The following GRIN3A variants were observed in gnomAD, a reference collection of about 807,000 sequenced individuals.
The protein encoded by GRIN3A is glutamate receptor ionotropic, NMDA 3A.
In GRIN3A, 47 loss-of-function variants were observed where a neutral mutation model predicts 92.4. The observed-to-expected ratio is 0.51, with a 90% CI of 0.40 to 0.65. The LOEUF is 0.65. GRIN3A is among the 30% of genes least tolerant of loss of function. The pLI is 0.00. For missense variants in GRIN3A, 1,324 were observed against 1,393.1 expected, an observed-to-expected ratio of 0.95 and a Z score of 0.79; for synonymous variants, 527 against 540.6, an observed-to-expected ratio of 0.97 and a Z score of 0.35.
intron 1 of GRIN3A, among the ~76,000 whole-genome samples, chr9:101,730,145 T>C (rs1416686195): frequency 6.6e-6 from 1 of 152,144 alleles, no homozygotes; most frequent in Non-Finnish European, 1.5e-5. Flanking sequence ...AAAACTGGAC[T>C]TCAAAGTTCA....
At chr9:101,652,093 A>C (rs1829022339) in intron 3 of GRIN3A, among the ~76,000 whole-genome samples, 1 of 152,070 alleles carries the variant, frequency 6.6e-6, no homozygotes, top group East Asian at 1.9e-4. Flanking sequence ...AAGGTTTTAC[A>C]TACATTATTT....
intron 6 of GRIN3A, among the ~76,000 whole-genome samples, chr9:101,595,549 T>A (rs1564121989): frequency 6.6e-6 from 1 of 152,150 alleles, no homozygotes; most frequent in Non-Finnish European, 1.5e-5. Context: ...TTTCCACGAT[T>A]CCCTGGGAGG....
chr9:101,681,073 T>C (rs1829460092), intron 2 of GRIN3A, among the ~76,000 whole-genome samples: 2 of 152,196 alleles, frequency 1.3e-5, no homozygotes, highest in Admixed American at 1.3e-4. Context: ...TGGAGCTTTC[T>C]CTGCAGGAAC....
At chr9:101,576,357 C>T (rs1170411970) in intron 8 of GRIN3A, among the ~76,000 whole-genome samples, 1 of 152,112 alleles carries the variant, frequency 6.6e-6, no homozygotes, top group Non-Finnish European at 1.5e-5. Flanking sequence ...GAGGTAGGCA[C>T]AGGAAATGTG....
chr9:101,731,998 T>C (rs1337358318), intron 1 of GRIN3A, among the ~76,000 whole-genome samples: 1 of 152,222 alleles, frequency 6.6e-6, no homozygotes, highest in Non-Finnish European at 1.5e-5. Context: ...TTTCTGGTGC[T>C]ACATAGGTCC....
At chr9:101,676,723 C>T (rs1270260086) in intron 2 of GRIN3A, among the ~76,000 whole-genome samples, 1 of 152,000 alleles carries the variant, frequency 6.6e-6, no homozygotes, top group Non-Finnish European at 1.5e-5. Flanking sequence ...TGCTCCTATA[C>T]ATGGAATTTA....
chr9:101,652,808 A>G (rs1434938284), intron 3 of GRIN3A, among the ~76,000 whole-genome samples: 2 of 151,992 alleles, frequency 1.3e-5, no homozygotes, highest in Non-Finnish European at 2.9e-5. Context: ...TTCCTCTAAT[A>G]TGCATAATTG....
intron 6 of GRIN3A, among the ~76,000 whole-genome samples, chr9:101,591,218 T>C (rs1277126095): frequency 1.3e-5 from 2 of 152,228 alleles, no homozygotes; most frequent in African/African-American, 4.8e-5. Context: ...GTCTAACATA[T>C]CTGTTTCATT....
At chr9:101,684,944 TA>T (rs1365241132) in intron 2 of GRIN3A, among the ~76,000 whole-genome samples, 18 of 152,288 alleles carry the variant, frequency 1.2e-4, no homozygotes, top group Middle Eastern at 6.8e-3. Context: ...TTGTCTTAGA[TA>T]AAATTCTGAA....
intron 6 of GRIN3A, among the ~76,000 whole-genome samples, chr9:101,606,880 T>C (rs2118835442): frequency 6.6e-6 from 1 of 151,124 alleles, no homozygotes; most frequent in African/African-American, 2.4e-5. Flanking sequence ...GCTCTTAAAT[T>C]CACTTGGGGA....
rs142312275 is a variant in GRIN3A at position 101,623,437 on chromosome 9, T to C, written c.2499-4A>G. 3 of 1,550,224 alleles carry C rather than the reference T, an allele frequency of 1.9e-6. No individual in the cohort carries two copies. Among genetic ancestry groups the C allele is most frequent in the Middle Eastern group, 1.7e-4 (1 of 5,950 alleles). On this transcript the variant is annotated splice_region_variant and splice_polypyrimidine_tract_variant and intron_variant, in intron 4 of 8. Transcript: ENST00000361820. ...GTCTAGTTTCTCTGGATCATTCCTA[T>C]ATTTAAGACCAGAGGAGAAAAGTGA...
intron 6 of GRIN3A, among the ~76,000 whole-genome samples, chr9:101,611,366 A>G (rs927105619): frequency 6.6e-6 from 1 of 152,090 alleles, no homozygotes; most frequent in African/African-American, 2.4e-5. Context: ...GGGTCTCCTT[A>G]TAAGGATACC....
intron 6 of GRIN3A, chr9:101,594,322 A>G (rs940459619): frequency 6.8e-7 from 1 of 1,477,280 alleles, no homozygotes; most frequent in Admixed American, 2.2e-5. Context: ...CAGATAAGTC[A>G]GAGAGACAGT....
chr9:101,678,852 G>A (rs898019006), intron 2 of GRIN3A, among the ~76,000 whole-genome samples: 1 of 152,104 alleles, frequency 6.6e-6, no homozygotes, highest in Admixed American at 6.6e-5. Flanking sequence ...TTTTCTCTCT[G>A]TGTTTTCTTC....
chr9:101,655,672 C>T (rs1461102122), intron 3 of GRIN3A, among the ~76,000 whole-genome samples: 2 of 151,912 alleles, frequency 1.3e-5, no homozygotes, highest in Non-Finnish European at 2.9e-5. Flanking sequence ...CTCCTCTGAG[C>T]CTCAGTCTCC....
Position 101,635,258 on chromosome 9 carries a change from C to T in GRIN3A, c.2353-6857G>A, listed in dbSNP as rs562969015. On this transcript the variant is annotated intron_variant, in intron 3 of 8. Transcript: ENST00000361820. ...GTCTCTTGTAGGGACTAGAGGTCAG[C>T]AAATTACGGTCTATGGGCCAAATCT... 4.7e-5 allele frequency among the ~76,000 whole-genome samples: 7 copies of T among 148,826 alleles called. No homozygotes were observed. The East Asian group carries it at 1.5e-3, about 31-fold the overall frequency.
At chr9:101,718,638 CTT>C (rs771557818) in intron 1 of GRIN3A, among the ~76,000 whole-genome samples, 29 of 152,182 alleles carry the variant, frequency 1.9e-4, no homozygotes, top group Non-Finnish European at 3.8e-4. Context: ...TGTTCAGAAA[CTT>C]TACATTAATA....
At chr9:101,725,500 C>G (rs1399471916) in intron 1 of GRIN3A, among the ~76,000 whole-genome samples, 1 of 152,160 alleles carries the variant, frequency 6.6e-6, no homozygotes, top group Non-Finnish European at 1.5e-5. Flanking sequence ...GAGAAAAACA[C>G]TTTTTCAAGA....
At position 101,602,065 on chromosome 9, in the gene GRIN3A, C is replaced by T. The variant is rs533476174; in HGVS notation, c.2766+11311G>A. Among the ~76,000 whole-genome samples, 14 of 152,146 alleles carry T rather than the reference C, an allele frequency of 9.2e-5. No individual in the cohort carries two copies. In the East Asian group the frequency reaches 2.5e-3, roughly 27 times the overall value. ...TGCATTGGCTTCCCTGGCCAGCTAG[C>T]CCTAAGCTTTCATGTTGCAGGAAGC... On this transcript the variant is annotated intron_variant, in intron 6 of 8. Transcript: ENST00000361820.
Sources: gnomAD v4.1 joint callset for allele counts (sites outside exome capture counted in the v4.1 genomes callset) on GRCh38, gnomAD v4.1.1 for gene constraint, MANE v1.5 for transcripts, NCBI Gene and HGNC (gene_info 2026-07-23, HGNC 2026-07-21) for gene names.